Variants in PASK observed in about 807,000 individuals in gnomAD.
PASK encodes PAS domain containing serine/threonine kinase, also known as PAS domain-containing serine/threonine-protein kinase.
PASK carries 110 observed loss-of-function variants against 121.0 expected under a neutral mutation model. The observed-to-expected ratio is 0.91, with a 90% CI of 0.78 to 1.06. PASK has a LOEUF of 1.06. Among genes scored for constraint, PASK ranks in the 50% least tolerant of loss-of-function variants. The pLI, the probability that PASK is intolerant of heterozygous loss-of-function variation, is 0.00. For synonymous variants in PASK, 686 were observed against 717.8 expected, an observed-to-expected ratio of 0.96 and a Z score of 0.71; for missense variants, 1,643 against 1,702.3, an observed-to-expected ratio of 0.97 and a Z score of 0.61.
chr2:241,141,661 C>T (rs1486363946), intron 2 of PASK, among the ~76,000 whole-genome samples: 5 of 152,142 alleles, frequency 3.3e-5, no homozygotes, highest in African/African-American at 1.2e-4. Flanking sequence ...GGACCTCCCA[C>T]GGCCCACTCG....
In PASK at chr2:241,139,911, G is replaced by A. The variant is rs149488988; in HGVS notation, c.574C>T (p.His192Tyr). The A allele has an allele frequency of 2.1e-5, 34 of 1,614,170 alleles. 1 individual carries two copies. The highest frequency in any genetic ancestry group is 2.2e-5 in the Non-Finnish European group (26 of 1,180,018). Residue 192 changes from histidine to tyrosine, a missense_variant, in exon 4 of 18, where the codon CAC becomes TAC. His to Tyr is a moderately conservative substitution (Grantham distance 83, BLOSUM62 2). This residue lies in a region of PASK where 1,176 missense variants were observed against 1,162.2 expected (regional missense o/e 1.01). Coordinates refer to ENST00000234040, the MANE Select transcript of PASK (RefSeq NM_015148.4). ...LSEEHMEADG[H>Y]AAVVFGTVVD... ...ACCGTGCCAAACACCACCGCAGCGT[G>A]GCCGTCGGCCTCCATGTGCTCCTCG...
At chr2:241,140,776 G>T in intron 2 of PASK, 23 bp from the exon 3 acceptor site, 1 of 1,510,012 alleles carries the variant, frequency 6.6e-7, no homozygotes, top group Non-Finnish European at 9.2e-7. Context: ...GCGAAGCGAA[G>T]CTTTAGACTT....
At chr2:241,147,830 C>T (rs1232456067) in intron 1 of PASK, among the ~76,000 whole-genome samples, 1 of 152,144 alleles carries the variant, frequency 6.6e-6, no homozygotes, top group East Asian at 1.9e-4. Context: ...CTGAGAGTTA[C>T]AAGCCTATCC....
At chr2:241,121,652 G>A (rs1172372497) in intron 12 of PASK, among the ~76,000 whole-genome samples, 2 of 152,108 alleles carry the variant, frequency 1.3e-5, no homozygotes, top group African/African-American at 2.4e-5. Context: ...AGACATAAAT[G>A]ACTAAAAGTA....
At position 241,106,264 on chromosome 2, in the gene PASK, T is replaced by C. The variant is rs1161769146; in HGVS notation, c.*302A>G. On this transcript the variant is annotated 3_prime_UTR_variant, in exon 18 of 18. Transcript: ENST00000234040. ...AACAAAACATGCACATATACAAAAG[T>C]AGAAAGAGAAAACACTCATGCCTTC... 1 of 430,428 alleles carries C rather than the reference T, an allele frequency of 2.3e-6. No homozygotes were observed. The highest frequency in any genetic ancestry group is 4.2e-6 in the Non-Finnish European group (1 of 236,276). 26.7% of individuals were successfully genotyped at this position (430,428 alleles called of 1,614,324 possible).
At chr2:241,115,645 C>T (rs1016965253) in intron 12 of PASK, among the ~76,000 whole-genome samples, 1 of 148,046 alleles carries the variant, frequency 6.8e-6, no homozygotes, top group South Asian at 2.2e-4. Context: ...TCCCATTACA[C>T]CAGGGACACC....
chr2:241,118,985 G>T, intron 12 of PASK: 1 of 989,334 alleles, frequency 1.0e-6, no homozygotes, highest in Non-Finnish European at 1.2e-6. Context: ...AGCCTCCAAG[G>T]GCTGTCAGGC....
In PASK at chr2:241,106,234, G is replaced by GTGT; in HGVS notation, c.*331_*332insACA. On this transcript the variant is annotated 3_prime_UTR_variant, in exon 18 of 18. Transcript: ENST00000234040. ...ACTCAGATGAGCATATACCAAGTCA[G>GTGT]AGGAAACAAAACATGCACATATACA... is the stretch of plus-strand genomic sequence containing the variant. 2.7e-6 allele frequency: 1 copy of GTGT among 370,798 alleles called. No individual in the cohort carries two copies. Among genetic ancestry groups the GTGT allele is most frequent in the Non-Finnish European group, 5.0e-6 (1 of 199,474 alleles). The allele number at this position is 370,798 out of a possible 1,614,324, so 23.0% of individuals were successfully genotyped here.
chr2:241,144,041 A>C (rs1056588367), intron 1 of PASK, among the ~76,000 whole-genome samples: 9 of 152,158 alleles, frequency 5.9e-5, no homozygotes, highest in African/African-American at 1.9e-4. Context: ...ACTTGATACC[A>C]TCCATCAGCC....
chr2:241,136,170 C>A (rs974710416), intron 7 of PASK, 131 bp from the exon 8 acceptor site: 31 of 821,410 alleles, frequency 3.8e-5, no homozygotes, highest in Admixed American at 7.5e-5. Context: ...CAGGAAAGGC[C>A]TCGGGCCAAA....
chr2:241,146,400 G>A lies in PASK; in HGVS notation c.-43+3014C>T, dbSNP rs570806026. ...CAGATAAGAAGACACCAGAATGTTC[G>A]GGACAATATGGTTCTCAATGGCAAA... On this transcript the variant is annotated intron_variant, in intron 1 of 17. Coordinates refer to ENST00000234040, the MANE Select transcript of PASK (RefSeq NM_015148.4). 2.6e-5 allele frequency among the ~76,000 whole-genome samples: 4 copies of A among 152,192 alleles called. No homozygotes were observed. In the South Asian group the frequency reaches 6.2e-4, roughly 24 times the overall value.
chr2:241,108,259 G>A lies in PASK; in HGVS notation c.3575C>T (p.Thr1192Ile), dbSNP rs2064968315. 6.2e-7 allele frequency: 1 copy of A among 1,614,066 alleles called. No individual in the cohort carries two copies. The highest frequency in any genetic ancestry group is 8.5e-7 in the Non-Finnish European group (1 of 1,179,908). ...PELEMWSLGV[T>I]LYTLVFEENP... ...CTCCTCAAAGACCAGCGTGTACAGA[G>A]TGACTCCCAGAGACCACATCTCCAG... The change falls in exon 16 of 18, where the codon ACT (threonine) becomes ATT (isoleucine). Residue 1192 changes from threonine to isoleucine, a missense_variant. By Grantham distance (89) the Thr-to-Ile change is moderately conservative. This residue lies in a region of PASK where 453 missense variants were observed against 511.2 expected (regional missense o/e 0.89). Coordinates refer to ENST00000234040, the MANE Select transcript of PASK (RefSeq NM_015148.4). This position sits in a 1 kb window ranked among gnomAD's most constrained non-coding sequence, Gnocchi z 5.2.
upstream of PASK, chr2:241,150,309 G>C (rs2067225744): frequency 3.0e-6 from 4 of 1,335,780 alleles, no homozygotes; most frequent in Admixed American, 3.9e-5. Context: ...TACCTGCTCT[G>C]GGGGAGGCGC....
chr2:241,135,931 C>T lies in PASK; in HGVS notation c.1246G>A (p.Gly416Arg). ...ASCLDVGNESGCGERTLDPWQ... is the reference protein window; with the variant it reads ...ASCLDVGNESRCGERTLDPWQ... Reference sequence around the variant, plus strand: ...GGGTCCAAGGTTCTCTCCCCACACCCACTCTCATTGCCGACGTCCAGGCAG... The same window carrying T: ...GGGTCCAAGGTTCTCTCCCCACACCTACTCTCATTGCCGACGTCCAGGCAG... The change falls in exon 8 of 18, where the codon GGG becomes AGG. Residue 416 changes from glycine (G) to arginine (R), a missense_variant. Around this residue, in one of 3 missense-constraint regions of PASK, gnomAD observed 1,176 missense variants for 1,162.2 expected, o/e 1.01. Coordinates refer to ENST00000234040, the MANE Select transcript of PASK (RefSeq NM_015148.4). 1 of 1,614,230 alleles carries T rather than the reference C, an allele frequency of 6.2e-7. No individual in the cohort carries two copies. Among genetic ancestry groups the T allele is most frequent in the Non-Finnish European group, 8.5e-7 (1 of 1,180,030 alleles).
chr2:241,135,303 AT>A (rs1169287635), intron 8 of PASK, among the ~76,000 whole-genome samples: 1 of 152,194 alleles, frequency 6.6e-6, no homozygotes, highest in Non-Finnish European at 1.5e-5. Flanking sequence ...CACTCAGGGG[AT>A]GGGTTCCAGG....
chr2:241,118,791 G>T (rs1287485961), intron 12 of PASK: 3 of 423,090 alleles, frequency 7.1e-6, no homozygotes, highest in African/African-American at 4.2e-5. Context: ...AGACAGCCTG[G>T]CCAAGGAACA....
In PASK at chr2:241,122,769, AAGCCGAAGGCCCCACT is replaced by A; in HGVS notation, c.3019_3034del (p.Gly1008CysfsTer15). ...TTCCTTGTCCACAGCAGTCCACACGAAGCCGAAGGCCCCACTGCCCAGCGGGCTCATGGTACTGTAC... is the reference window on the plus strand; with the variant it reads ...TTCCTTGTCCACAGCAGTCCACACGAGCCCAGCGGGCTCATGGTACTGTAC... On this transcript the variant is annotated frameshift_variant, in exon 12 of 18. Coordinates refer to ENST00000234040, the MANE Select transcript of PASK (RefSeq NM_015148.4). LOFTEE classifies it high-confidence loss of function. The A allele has an allele frequency of 6.2e-7, 1 of 1,614,202 alleles. No homozygotes were observed. The highest frequency in any genetic ancestry group is 8.5e-7 in the Non-Finnish European group (1 of 1,180,030).
rs1375288023 is a variant in PASK at position 241,132,862 on chromosome 2, C to A, written c.1463+12G>T. ...TTTTAGTAAACCTGCAACCTCCCAC[C>A]AAGGGACTTACCCTGGAGCAGGCTG... On this transcript the variant is annotated intron_variant, in intron 9 of 17. Coordinates refer to ENST00000234040, the MANE Select transcript of PASK (RefSeq NM_015148.4). 6.2e-7 allele frequency: 1 copy of A among 1,612,370 alleles called. No individual in the cohort carries two copies. The highest frequency in any genetic ancestry group is 1.1e-5 in the South Asian group (1 of 91,052).
intron 6 of PASK, 48 bp from the exon 7 acceptor site, chr2:241,137,312 A>G: frequency 6.5e-7 from 1 of 1,548,314 alleles, no homozygotes; most frequent in Non-Finnish European, 8.9e-7. Context: ...TCACGTGGAC[A>G]GAGCACTGAG....
Sources: gnomAD v4.1 joint callset for allele counts (sites outside exome capture counted in the v4.1 genomes callset) on GRCh38, gnomAD v4.1.1 for gene constraint, gnomAD v4.1.1 regional missense constraint, Gnocchi (gnomAD v3.1) non-coding constraint, MANE v1.5 for transcripts, NCBI Gene and HGNC (gene_info 2026-07-23, HGNC 2026-07-21) for gene names.